The following PDE10A variants were observed in gnomAD, a reference collection of about 807,000 sequenced individuals.
The protein encoded by PDE10A is phosphodiesterase 10A, also known as cAMP and cAMP-inhibited cGMP 3',5'-cyclic phosphodiesterase 10A.
In PDE10A, 39 loss-of-function variants were observed where a neutral mutation model predicts 97.7. The observed-to-expected ratio is 0.40, with a 90% CI of 0.31 to 0.52. The LOEUF is 0.52. PDE10A is among the 20% of genes least tolerant of loss of function. The pLI, the probability that PDE10A is intolerant of heterozygous loss-of-function variation, is 0.56. For synonymous variants in PDE10A, 371 were observed against 376.8 expected (o/e 0.98, Z 0.18); for missense variants, 731 against 1,047.8 (o/e 0.70, Z 4.17).
intron 1 of PDE10A, among the ~76,000 whole-genome samples, chr6:165,958,544 A>G (rs1458197624): frequency 2.5e-5 from 2 of 79,356 alleles, no homozygotes; most frequent in East Asian, 3.4e-4. Context: ...AAAGAAAGAA[A>G]GAAAGAAAGA....
chr6:165,941,165 T>C (rs1307813252), intron 1 of PDE10A, among the ~76,000 whole-genome samples: 3 of 152,226 alleles, frequency 2.0e-5, no homozygotes, highest in African/African-American at 7.2e-5. Flanking sequence ...AAATGGGGTA[T>C]AGTAACATTT....
At chr6:165,730,217 T>C (rs1792396425) in intron 1 of PDE10A, among the ~76,000 whole-genome samples, 1 of 150,646 alleles carries the variant, frequency 6.6e-6, no homozygotes, top group African/African-American at 2.4e-5. Flanking sequence ...TGGTAGGGAG[T>C]TCTGAGACTA....
chr6:165,510,623 T>A (rs1781453829), intron 2 of PDE10A, among the ~76,000 whole-genome samples: 1 of 152,018 alleles, frequency 6.6e-6, no homozygotes, highest in South Asian at 2.1e-4. Context: ...TCACTATGTT[T>A]GGCAGAATTC....
intron 1 of PDE10A, among the ~76,000 whole-genome samples, chr6:165,904,317 G>A (rs754111238): frequency 2.7e-4 from 41 of 152,102 alleles, no homozygotes; most frequent in Non-Finnish European, 5.3e-4. Context: ...AGGGAAATGC[G>A]GAGACCTCCA....
chr6:165,758,054 T>A (rs1027365), intron 1 of PDE10A, among the ~76,000 whole-genome samples: 121,494 of 152,226 alleles, frequency 0.8, 49,142 homozygotes, highest in Middle Eastern at 0.95. Context: ...ATTCTTCACC[T>A]GAACTGTCAT....
intron 1 of PDE10A, among the ~76,000 whole-genome samples, chr6:165,849,420 A>G (rs1003318826): frequency 6.6e-6 from 1 of 152,202 alleles, no homozygotes; most frequent in Admixed American, 6.5e-5. Context: ...AATGTCTAAG[A>G]CGGCCAGGCA....
intron 1 of PDE10A, among the ~76,000 whole-genome samples, chr6:165,953,271 G>T (rs1342117167): frequency 6.6e-6 from 1 of 152,106 alleles, no homozygotes; most frequent in Non-Finnish European, 1.5e-5. Context: ...AGAAATAAAA[G>T]AAATTTGAGG....
chr6:165,918,474 C>T (rs75288195), intron 1 of PDE10A, among the ~76,000 whole-genome samples: 9,644 of 152,196 alleles, frequency 0.063, 434 homozygotes, highest in Middle Eastern at 0.11. Context: ...AAAGTTGTGC[C>T]GGAAATCCTT....
Position 165,570,035 on chromosome 6 carries a change from A to C in PDE10A, c.866-26467T>G, listed in dbSNP as rs1784976254. On this transcript the variant is annotated intron_variant, in intron 1 of 21. Transcript: ENST00000539869. ...ATGGACTAAATTGTGTTCCTCCAAA[A>C]TTCATGTGTTGAAGTCCTAACCCCC... Among the ~76,000 whole-genome samples the C allele has an allele frequency of 2.0e-5, 3 of 152,138 alleles. No individual in the cohort carries two copies. The South Asian group carries it at 6.2e-4, about 32-fold the overall frequency.
chr6:165,694,159 G>A lies in PDE10A; in HGVS notation c.-614-150591C>T, dbSNP rs564980887. 4.6e-5 allele frequency among the ~76,000 whole-genome samples: 7 copies of A among 152,268 alleles called. No homozygotes were observed. The East Asian group carries it at 7.7e-4, about 17-fold the overall frequency. On this transcript the variant is annotated intron_variant, in intron 1 of 19. Coordinates refer to the PDE10A transcript ENST00000366882. ...ACCAAGCTTCCTTTCTTTGGGGGCC[G>A]TGCACACGTATATCTCATCATAAGT...
At chr6:165,461,148 T>C (rs927242540) in intron 3 of PDE10A, among the ~76,000 whole-genome samples, 1 of 152,152 alleles carries the variant, frequency 6.6e-6, no homozygotes, top group African/African-American at 2.4e-5. Context: ...ATCAGGTAAA[T>C]GGAGAATGTT....
chr6:165,962,566 G>GT (rs59820125), intron 1 of PDE10A, among the ~76,000 whole-genome samples: 80,047 of 152,038 alleles, frequency 0.53, 23,403 homozygotes, highest in East Asian at 0.84. Flanking sequence ...TCAAGTTCAT[G>GT]TTTTTCCCAG....
intron 1 of PDE10A, among the ~76,000 whole-genome samples, chr6:165,583,954 A>G (rs1269225683): frequency 6.6e-6 from 1 of 152,168 alleles, no homozygotes; most frequent in Admixed American, 6.5e-5. Context: ...AGAAGACACA[A>G]TGGCTCCAAT....
chr6:165,720,245 T>A (rs1273739364), intron 1 of PDE10A, among the ~76,000 whole-genome samples: 3 of 152,226 alleles, frequency 2.0e-5, no homozygotes, highest in Non-Finnish European at 4.4e-5. Flanking sequence ...ACTATTTATT[T>A]TTTTGATGAT....
intron 3 of PDE10A, among the ~76,000 whole-genome samples, chr6:165,458,327 A>G (rs1163584917): frequency 6.6e-6 from 1 of 152,100 alleles, no homozygotes; most frequent in Non-Finnish European, 1.5e-5. Flanking sequence ...AGGAGGTGGG[A>G]GCTTCAGGGG....
chr6:165,909,766 C>T (rs1002002399), intron 1 of PDE10A, among the ~76,000 whole-genome samples: 9 of 152,136 alleles, frequency 5.9e-5, no homozygotes, highest in Non-Finnish European at 1.3e-4. Context: ...TGCCTTAGAC[C>T]AGCCTTCATG....
chr6:165,410,851 G>A (rs1787699353), intron 13 of PDE10A, among the ~76,000 whole-genome samples: 1 of 149,054 alleles, frequency 6.7e-6, no homozygotes, highest in Non-Finnish European at 1.5e-5. Flanking sequence ...CACTTTGGGA[G>A]GCCGAGGCGG....
chr6:165,942,242 GGA>G (rs1419751211), intron 1 of PDE10A, among the ~76,000 whole-genome samples: 3 of 151,890 alleles, frequency 2.0e-5, no homozygotes, highest in Non-Finnish European at 2.9e-5. Context: ...GGGTAGCAGG[GGA>G]ATTAAAAATG....
At chr6:165,604,418 T>A (rs1787109113) in intron 1 of PDE10A, among the ~76,000 whole-genome samples, 1 of 151,556 alleles carries the variant, frequency 6.6e-6, no homozygotes. Flanking sequence ...CTAGCTGACA[T>A]CAGCCCCTTC....
Sources: allele counts gnomAD v4.1 joint callset (sites outside exome capture counted in the v4.1 genomes callset), GRCh38; gene constraint gnomAD v4.1.1; transcripts MANE v1.5; gene names NCBI Gene and HGNC (gene_info 2026-07-23, HGNC 2026-07-21).